The following ZEB1 variants were observed in gnomAD, a reference collection of about 807,000 sequenced individuals.
ZEB1 encodes zinc finger E-box binding homeobox 1.
A neutral mutation model predicts 84.9 loss-of-function variants in ZEB1; 21 were observed. The observed-to-expected ratio is 0.25, with a 90% confidence interval of 0.18 to 0.36. The LOEUF is 0.36. ZEB1 is among the 10% of genes least tolerant of loss of function. ZEB1 has a pLI of 1.00. For synonymous variants in ZEB1, 420 were observed against 471.1 expected, an observed-to-expected ratio of 0.89 and a Z score of 1.41; for missense variants, 1,104 against 1,330.2, an observed-to-expected ratio of 0.83 and a Z score of 2.65.
intron 1 of ZEB1, among the ~76,000 whole-genome samples, chr10:31,342,471 A>G (rs2039561832): frequency 1.3e-5 from 2 of 152,090 alleles, no homozygotes; most frequent in African/African-American, 2.4e-5. Context: ...TTTTTGAGAT[A>G]GGGTTGTTCA....
intron 1 of ZEB1, among the ~76,000 whole-genome samples, chr10:31,437,672 A>G (rs116744275): frequency 3.3e-5 from 5 of 152,324 alleles, no homozygotes; most frequent in African/African-American, 1.2e-4. Context: ...TACTTAGATT[A>G]CTATATGTTG....
chr10:31,443,189 T>C (rs140314024), intron 1 of ZEB1, among the ~76,000 whole-genome samples: 8 of 152,346 alleles, frequency 5.3e-5, no homozygotes, highest in Admixed American at 5.2e-4. Context: ...TGTGTGCGAA[T>C]TGCTTGTGCA....
chr10:31,451,816 A>G (rs1674761420), intron 1 of ZEB1, among the ~76,000 whole-genome samples: 1 of 152,188 alleles, frequency 6.6e-6, no homozygotes, highest in South Asian at 2.1e-4. Flanking sequence ...GGGGGCAGAT[A>G]GATACAGGAT....
At chr10:31,518,141 T>TGTACTAGAGTATA (rs2071519324) in intron 6 of ZEB1, among the ~76,000 whole-genome samples, 1 of 152,184 alleles carries the variant, frequency 6.6e-6, no homozygotes, top group Non-Finnish European at 1.5e-5. Context: ...AAAATAGAGA[T>TGTACTAGAGTATA]GTACTAGAGT....
In ZEB1 at chr10:31,529,351, G is replaced by T. The variant is rs563050681; in HGVS notation, c.*2087G>T. The T allele has an allele frequency of 9.2e-5, 14 of 152,164 alleles. No homozygotes were observed. The highest frequency in any genetic ancestry group is 1.9e-4 in the Non-Finnish European group (13 of 68,028). The allele number at this position is 152,164 out of a possible 1,614,324, so 9.4% of individuals were successfully genotyped here. A position where few individuals can be genotyped will look rare whatever the true frequency, so the allele number is the denominator to read the frequency against. ...TCTCCACTAAATTATGGATTTTCTTGTGGCTAAATGTTTCTGGAGAGGTCA... is the reference window on the plus strand; with the variant it reads ...TCTCCACTAAATTATGGATTTTCTTTTGGCTAAATGTTTCTGGAGAGGTCA... On this transcript the variant is annotated 3_prime_UTR_variant, in exon 9 of 9. Coordinates refer to ENST00000424869, the MANE Select transcript of ZEB1 (RefSeq NM_001174096.2).
intron 1 of ZEB1, chr10:31,355,292 A>G (rs180888889): frequency 6.6e-6 from 1 of 152,284 alleles, no homozygotes; most frequent in Admixed American, 6.5e-5. Flanking sequence ...TGTGCTGTAT[A>G]CTATGCTGCA....
chr10:31,454,183 G>C (rs1459801269), intron 1 of ZEB1, among the ~76,000 whole-genome samples: 1 of 152,178 alleles, frequency 6.6e-6, no homozygotes, highest in Non-Finnish European at 1.5e-5. Flanking sequence ...AATAGATGCA[G>C]AAAAAGCCTT....
chr10:31,491,788 TTATC>T (rs2066573646), intron 2 of ZEB1, among the ~76,000 whole-genome samples: 1 of 151,942 alleles, frequency 6.6e-6, no homozygotes, highest in African/African-American at 2.4e-5. Flanking sequence ...TTTTTAATCA[TTATC>T]TAAGTTAATG....
intron 1 of ZEB1, among the ~76,000 whole-genome samples, chr10:31,404,727 G>T (rs2135560657): frequency 6.6e-6 from 1 of 152,218 alleles, no homozygotes; most frequent in East Asian, 1.9e-4. Context: ...TGTTCAAACT[G>T]CACCTCTCCT....
chr10:31,353,978 A>G (rs1389771616), intron 1 of ZEB1, among the ~76,000 whole-genome samples: 1 of 152,244 alleles, frequency 6.6e-6, no homozygotes, highest in Non-Finnish European at 1.5e-5. Context: ...AATAATTGAA[A>G]GAATGAGGAT....
intron 1 of ZEB1, among the ~76,000 whole-genome samples, chr10:31,396,914 G>A (rs2050831271): frequency 6.6e-6 from 1 of 151,896 alleles, no homozygotes. Context: ...TTCTTTTTCT[G>A]GAGGAAGGAT....
chr10:31,523,836 T>C (rs1413442133), intron 7 of ZEB1, 97 bp from the exon 8 acceptor site: 5 of 1,365,380 alleles, frequency 3.7e-6, no homozygotes, highest in African/African-American at 2.9e-5. Flanking sequence ...AGTATAAAAG[T>C]ATAAGTTAAA....
chr10:31,324,546 T>G (rs1345581366), intron 1 of ZEB1, among the ~76,000 whole-genome samples: 1 of 151,992 alleles, frequency 6.6e-6, no homozygotes, highest in Non-Finnish European at 1.5e-5. Flanking sequence ...CATGCAGATG[T>G]TGGAAGAAGA....
chr10:31,423,481 C>T (rs1245091640), intron 1 of ZEB1, among the ~76,000 whole-genome samples: 1 of 152,070 alleles, frequency 6.6e-6, no homozygotes, highest in East Asian at 1.9e-4. Context: ...TAATATTATG[C>T]ATGTATCCAA....
At chr10:31,443,386 G>A (rs2059288400) in intron 1 of ZEB1, among the ~76,000 whole-genome samples, 1 of 150,304 alleles carries the variant, frequency 6.7e-6, no homozygotes, top group Admixed American at 6.6e-5. Flanking sequence ...TTCCAGGTTT[G>A]TAAAAGGATT....
At chr10:31,439,321 ATGTG>A (rs998707635) in intron 1 of ZEB1, among the ~76,000 whole-genome samples, 15 of 152,230 alleles carry the variant, frequency 9.9e-5, no homozygotes, top group African/African-American at 3.6e-4. Context: ...ATTTGCATAC[ATGTG>A]TTAATTTGCA....
At chr10:31,425,052 G>T (rs1387083189) in intron 1 of ZEB1, among the ~76,000 whole-genome samples, 1 of 151,836 alleles carries the variant, frequency 6.6e-6, no homozygotes, top group African/African-American at 2.4e-5. Context: ...AAAACATTTG[G>T]TAGGTTAACA....
intron 1 of ZEB1, among the ~76,000 whole-genome samples, chr10:31,335,354 A>G (rs2037797043): frequency 6.6e-6 from 1 of 152,118 alleles, no homozygotes; most frequent in African/African-American, 2.4e-5. Context: ...CCATGGTTTC[A>G]GGCATCCTCA....
intron 2 of ZEB1, among the ~76,000 whole-genome samples, chr10:31,488,896 G>A (rs914887485): frequency 6.6e-6 from 1 of 151,152 alleles, no homozygotes; most frequent in African/African-American, 2.4e-5. Context: ...GAAGTGGTGT[G>A]TCTACATGAA....
Sources: allele counts gnomAD v4.1 joint callset (sites outside exome capture counted in the v4.1 genomes callset), GRCh38; gene constraint gnomAD v4.1.1; transcripts MANE v1.5; gene names NCBI Gene and HGNC (gene_info 2026-07-23, HGNC 2026-07-21).